Variants in NEXN observed in about 807,000 individuals in gnomAD.
The protein encoded by NEXN is nexilin F-actin binding protein.
In NEXN, 65 loss-of-function variants were observed where a neutral mutation model predicts 92.6. That is an observed-to-expected ratio of 0.70 (90% confidence interval 0.57 to 0.86). The LOEUF is 0.86. Among genes scored for constraint, NEXN ranks in the 40% least tolerant of loss-of-function variants. NEXN has a pLI of 0.00. For synonymous variants in NEXN, 254 were observed against 242.5 expected (o/e 1.05, Z -0.44); for missense variants, 778 against 771.1 (o/e 1.01, Z -0.11).
Position 77,942,469 on chromosome 1 carries a change from A to G in NEXN, c.1668A>G (p.Glu556=). 3.7e-6 allele frequency: 6 copies of G among 1,613,614 alleles called. No individual in the cohort carries two copies. Among genetic ancestry groups the G allele is most frequent in the Non-Finnish European group, 5.1e-6 (6 of 1,179,674 alleles). The change falls in exon 13 of 13, where the codon GAA becomes GAG. Residue 556 remains glutamate, a synonymous_variant. Transcript: ENST00000334785. ...CATTTATTTTAATACAGAAAAGAGAAGAGGAGGAGGAGGAAGAAGGTAGCA... is the reference window on the plus strand; with the variant it reads ...CATTTATTTTAATACAGAAAAGAGAGGAGGAGGAGGAGGAAGAAGGTAGCA... ...EIDAALQKKR[E]EEEEEEGSIM...
chr1:77,927,528 C>T (rs938923228), intron 8 of NEXN, among the ~76,000 whole-genome samples: 8 of 151,650 alleles, frequency 5.3e-5, no homozygotes, highest in African/African-American at 1.2e-4. Flanking sequence ...TAACAGTTTA[C>T]GGTGGAATAT....
intron 9 of NEXN, 81 bp downstream of exon 9, chr1:77,929,585 T>C: frequency 6.4e-7 from 1 of 1,558,634 alleles, no homozygotes; most frequent in East Asian, 2.2e-5. Context: ...CTTTAGAGAA[T>C]ACCCTATTAT....
In NEXN at chr1:77,917,711, A is replaced by C; in HGVS notation, c.173A>C (p.Lys58Thr). The C allele has an allele frequency of 6.2e-7, 1 of 1,611,954 alleles. No individual in the cohort carries two copies. Among genetic ancestry groups the C allele is most frequent in the Non-Finnish European group, 8.5e-7 (1 of 1,178,538 alleles). ...RRSRDEKQRR[K>T]EQYIREREWN... Reference sequence around the variant, plus strand: ...TCTAGAGACGAAAAACAAAGAAGAAAAGAACAATATATTAGAGAGAGAGAA... The same window carrying C: ...TCTAGAGACGAAAAACAAAGAAGAACAGAACAATATATTAGAGAGAGAGAA... The change falls in exon 3 of 13, where the codon AAA becomes ACA. Residue 58 changes from lysine (K) to threonine (T), a missense_variant. Transcript: ENST00000334785.
intron 8 of NEXN, among the ~76,000 whole-genome samples, chr1:77,927,632 G>A (rs2102128028): frequency 6.6e-6 from 1 of 151,290 alleles, no homozygotes; most frequent in East Asian, 1.9e-4. Flanking sequence ...GTGTGTGTGT[G>A]TAGTGTGGTT....
At chr1:77,904,399 A>G (rs1279645349) in intron 1 of NEXN, among the ~76,000 whole-genome samples, 2 of 152,232 alleles carry the variant, frequency 1.3e-5, no homozygotes, top group African/African-American at 4.8e-5. Flanking sequence ...TGTTTCTAAA[A>G]GACTAATAAT....
intron 1 of NEXN, among the ~76,000 whole-genome samples, chr1:77,909,114 G>A (rs970620640): frequency 6.6e-6 from 1 of 152,086 alleles, no homozygotes; most frequent in Non-Finnish European, 1.5e-5. Flanking sequence ...GGTAGGTTTT[G>A]TTGGTTATAT....
Position 77,903,480 on chromosome 1 carries a change from G to A in NEXN, c.-52-12575G>A, listed in dbSNP as rs149133759. On this transcript the variant is annotated intron_variant, in intron 1 of 12. Coordinates refer to ENST00000334785, the MANE Select transcript of NEXN (RefSeq NM_144573.4). ...ATTTGAAAATGTTTATCAGGATTCC[G>A]AAGAAAAGAAAACCAGTAAAGTGAA... 1.8e-4 allele frequency among the ~76,000 whole-genome samples: 28 copies of A among 152,154 alleles called. No individual in the cohort carries two copies. In the East Asian group the frequency reaches 2.7e-3, roughly 15 times the overall value.
chr1:77,921,317 G>A (rs999264766), intron 5 of NEXN, among the ~76,000 whole-genome samples: 4 of 152,056 alleles, frequency 2.6e-5, no homozygotes, highest in South Asian at 2.1e-4. Flanking sequence ...ACAAACAAAC[G>A]AACAAACAAA....
At position 77,923,682 on chromosome 1, in the gene NEXN, T is replaced by C. The variant is rs925370449; in HGVS notation, c.448-1506T>C. On this transcript the variant is annotated intron_variant, in intron 5 of 12. Coordinates refer to ENST00000334785, the MANE Select transcript of NEXN (RefSeq NM_144573.4). ...AGTAATGGGTAAATTGAGCTCTCTT[T>C]TTTTTTTTTTTTTTTTTGAGAGGGA... Among the ~76,000 whole-genome samples the C allele has an allele frequency of 2.1e-3, 297 of 138,800 alleles. 1 individual carries two copies. Among genetic ancestry groups the C allele is most frequent in the Non-Finnish European group, 3.5e-3 (218 of 62,574 alleles). 91.1% of individuals were successfully genotyped at this position (138,800 alleles called of 152,430 possible).
intron 5 of NEXN, among the ~76,000 whole-genome samples, chr1:77,919,775 T>C (rs1396604480): frequency 6.6e-6 from 1 of 152,132 alleles, no homozygotes; most frequent in Non-Finnish European, 1.5e-5. Flanking sequence ...AATTTTTGTA[T>C]TTTTAGTGGA....
At chr1:77,929,704 C>G (rs1650139881) in intron 9 of NEXN, among the ~76,000 whole-genome samples, 200 bp downstream of exon 9, 1 of 152,200 alleles carries the variant, frequency 6.6e-6, no homozygotes, top group Non-Finnish European at 1.5e-5. Flanking sequence ...TCAGAAGATT[C>G]TGCTTTAAAT....
chr1:77,933,147 G>T, intron 9 of NEXN, 135 bp from the exon 10 acceptor site: 1 of 627,500 alleles, frequency 1.6e-6, no homozygotes, highest in South Asian at 1.9e-5. Flanking sequence ...GGCAATAAGA[G>T]TGAAACTCCA....
intron 1 of NEXN, among the ~76,000 whole-genome samples, chr1:77,900,178 A>G (rs552028217): frequency 1.3e-5 from 2 of 152,142 alleles, no homozygotes; most frequent in African/African-American, 2.4e-5. Flanking sequence ...CAGATTTGCA[A>G]TGGGTCACCA....
At chr1:77,910,615 G>T (rs538198575) in intron 1 of NEXN, among the ~76,000 whole-genome samples, 1 of 151,800 alleles carries the variant, frequency 6.6e-6, no homozygotes. Context: ...GCTGGGTGTC[G>T]TCGGTCGCGC....
At chr1:77,922,144 T>C (rs1197946738) in intron 5 of NEXN, among the ~76,000 whole-genome samples, 1 of 149,528 alleles carries the variant, frequency 6.7e-6, no homozygotes, top group East Asian at 1.9e-4. Flanking sequence ...AGAAGTCTTT[T>C]TTTTTTTTTT....
rs201767250 is a variant in NEXN at position 77,892,868 on chromosome 1, C to CT, written c.-53+4125dup. On this transcript the variant is annotated intron_variant, in intron 1 of 12. Transcript: ENST00000334785. ...TATTTCCTAGGATCTTGTAAATAAT[C>CT]TTTTTTTTTTTTTTTTGAGACGGAG... is the stretch of plus-strand genomic sequence containing the variant. Among the ~76,000 whole-genome samples, 578 of 140,212 alleles carry CT rather than the reference C, an allele frequency of 4.1e-3. 1 individual carries two copies. The highest frequency in any genetic ancestry group is 7.3e-3 in the Middle Eastern group (2 of 274). 92.0% of individuals were successfully genotyped at this position (140,212 alleles called of 152,430 possible).
chr1:77,898,459 T>C (rs1248778407), intron 1 of NEXN, among the ~76,000 whole-genome samples: 2 of 152,192 alleles, frequency 1.3e-5, no homozygotes, highest in African/African-American at 4.8e-5. Flanking sequence ...GCTAGCCATA[T>C]GTAGAAAGCT....
chr1:77,910,394 C>A (rs1386486799), intron 1 of NEXN, among the ~76,000 whole-genome samples: 1 of 152,036 alleles, frequency 6.6e-6, no homozygotes, highest in Non-Finnish European at 1.5e-5. Flanking sequence ...ACTGTGCTCA[C>A]CGATGATGTG....
At chr1:77,937,675 C>T (rs183229401) in intron 11 of NEXN, among the ~76,000 whole-genome samples, 43 of 151,874 alleles carry the variant, frequency 2.8e-4, no homozygotes, top group African/African-American at 6.5e-4. Context: ...GGCGACAGAG[C>T]GAGTCTCCAT....
Sources: allele counts gnomAD v4.1 joint callset (sites outside exome capture counted in the v4.1 genomes callset), GRCh38; gene constraint gnomAD v4.1.1; transcripts MANE v1.5; gene names NCBI Gene and HGNC (gene_info 2026-07-23, HGNC 2026-07-21).